KATNIP: variants seen among roughly 807,000 people sequenced by gnomAD.
KATNIP encodes katanin-interacting protein.
KATNIP carries 126 observed loss-of-function variants against 174.0 expected under a neutral mutation model. The observed-to-expected ratio is 0.72, with a 90% CI of 0.63 to 0.84. KATNIP has a LOEUF of 0.84. Ranked by LOEUF, KATNIP falls within the 40% of genes least tolerant of loss-of-function variation. KATNIP has a pLI of 0.00. For synonymous variants in KATNIP, 810 were observed against 835.7 expected, an observed-to-expected ratio of 0.97 and a Z score of 0.53; for missense variants, 1,958 against 2,109.7, an observed-to-expected ratio of 0.93 and a Z score of 1.41.
At chr16:27,556,159 G>A (rs2089619176) in intron 1 of KATNIP, among the ~76,000 whole-genome samples, 1 of 151,930 alleles carries the variant, frequency 6.6e-6, no homozygotes, top group South Asian at 2.1e-4. Context: ...TATAGTAGCT[G>A]TTGTTATCAT....
intron 6 of KATNIP, among the ~76,000 whole-genome samples, chr16:27,670,834 A>AT (rs1286489020): frequency 1.3e-5 from 2 of 152,212 alleles, no homozygotes; most frequent in African/African-American, 2.4e-5. Flanking sequence ...ATACTAAATA[A>AT]TTTTTTTAAA....
intron 16 of KATNIP, among the ~76,000 whole-genome samples, chr16:27,751,474 CA>C (rs2081514269): frequency 6.6e-6 from 1 of 152,128 alleles, no homozygotes; most frequent in Non-Finnish European, 1.5e-5. Context: ...AAAGAAATGT[CA>C]CTTGCCTGAT....
chr16:27,645,983 G>A (rs1338780269), intron 5 of KATNIP, among the ~76,000 whole-genome samples: 1 of 152,188 alleles, frequency 6.6e-6, no homozygotes, highest in African/African-American at 2.4e-5. Flanking sequence ...GGTAGGCAGA[G>A]AGCATTGTCT....
chr16:27,748,912 C>T (rs554002908), intron 15 of KATNIP, among the ~76,000 whole-genome samples: 5 of 152,196 alleles, frequency 3.3e-5, no homozygotes, highest in African/African-American at 4.8e-5. Context: ...ACTGTTAACA[C>T]GGGTGCATGT....
At chr16:27,593,265 G>T (rs2075240194) in intron 2 of KATNIP, among the ~76,000 whole-genome samples, 1 of 125,174 alleles carries the variant, frequency 8.0e-6, no homozygotes, top group Non-Finnish European at 1.6e-5. Flanking sequence ...GTCTGAGACG[G>T]AGTTTTGTTG....
chr16:27,645,170 C>A (rs923189416), intron 5 of KATNIP, among the ~76,000 whole-genome samples: 2 of 152,194 alleles, frequency 1.3e-5, no homozygotes, highest in Admixed American at 1.3e-4. Context: ...GAAACATACA[C>A]CTGAGAGGCA....
At chr16:27,773,856 C>T (rs989481577) in intron 23 of KATNIP, among the ~76,000 whole-genome samples, 1 of 152,112 alleles carries the variant, frequency 6.6e-6, no homozygotes, top group African/African-American at 2.4e-5. Context: ...TCTACCAGGC[C>T]CCGAAACTCA....
chr16:27,574,977 C>G (rs184718639), intron 2 of KATNIP, among the ~76,000 whole-genome samples: 1,555 of 152,142 alleles, frequency 0.01, 42 homozygotes, highest in African/African-American at 0.035. Context: ...ACCTTCCCCC[C>G]TCCCCGCCTC....
intron 6 of KATNIP, among the ~76,000 whole-genome samples, chr16:27,651,882 A>T (rs1037328534): frequency 1.3e-5 from 2 of 151,992 alleles, no homozygotes; most frequent in Non-Finnish European, 2.9e-5. Context: ...AGTACGCCCC[A>T]CTAATTTTTG....
chr16:27,751,118 G>A (rs1392153266), intron 16 of KATNIP, among the ~76,000 whole-genome samples: 1 of 152,016 alleles, frequency 6.6e-6, no homozygotes, highest in Non-Finnish European at 1.5e-5. Flanking sequence ...GTCTTGGTCC[G>A]GCCCCTAGAA....
At chr16:27,626,696 G>A (rs144981227) in intron 3 of KATNIP, among the ~76,000 whole-genome samples, 68 of 152,208 alleles carry the variant, frequency 4.5e-4, no homozygotes, top group African/African-American at 1.6e-3. Context: ...GCTCACGCCT[G>A]TAATCCCAAC....
At chr16:27,590,402 G>T (rs1189526026) in intron 2 of KATNIP, among the ~76,000 whole-genome samples, 1 of 151,072 alleles carries the variant, frequency 6.6e-6, no homozygotes, top group Non-Finnish European at 1.5e-5. Flanking sequence ...TGAACTCCTG[G>T]CCTCAAGCAT....
chr16:27,648,729 T>A lies in KATNIP; in HGVS notation c.534T>A (p.Arg178=). Residue 178 remains arginine, a synonymous_variant, in exon 6 of 28, where the codon CGT becomes CGA. Transcript: ENST00000261588. ...TLQANNTSED[R]PQELRRSLEL... Reference sequence around the variant, plus strand: ...AGGCAAACAACACTTCTGAGGATCGTCCGCAGGTAGGGATGGCCTTGGCCT... The same window carrying A: ...AGGCAAACAACACTTCTGAGGATCGACCGCAGGTAGGGATGGCCTTGGCCT... 1 of 1,613,462 alleles carries A rather than the reference T, an allele frequency of 6.2e-7. No individual in the cohort carries two copies.
intron 5 of KATNIP, among the ~76,000 whole-genome samples, chr16:27,639,562 G>C (rs144103417): frequency 5.3e-5 from 8 of 152,276 alleles, no homozygotes; most frequent in African/African-American, 1.7e-4. Flanking sequence ...TTTACTGTGG[G>C]GTGGGCGTTC....
At chr16:27,649,190 T>A (rs999935924) in intron 6 of KATNIP, among the ~76,000 whole-genome samples, 1 of 152,260 alleles carries the variant, frequency 6.6e-6, no homozygotes, top group Non-Finnish European at 1.5e-5. Flanking sequence ...ATGCACCTGA[T>A]AAATATTTCG....
At chr16:27,565,814 A>C (rs1218057347) in intron 1 of KATNIP, among the ~76,000 whole-genome samples, 1 of 151,926 alleles carries the variant, frequency 6.6e-6, no homozygotes, top group South Asian at 2.1e-4. Flanking sequence ...AAAAAAAAAA[A>C]CAAAGGAAGA....
intron 6 of KATNIP, among the ~76,000 whole-genome samples, chr16:27,662,613 A>G (rs2077562286): frequency 6.6e-6 from 1 of 152,224 alleles, no homozygotes; most frequent in African/African-American, 2.4e-5. Flanking sequence ...TCCAGAAGTA[A>G]GAGATGTAGT....
intron 13 of KATNIP, among the ~76,000 whole-genome samples, chr16:27,721,085 C>T (rs991572233): frequency 6.6e-6 from 1 of 152,188 alleles, no homozygotes; most frequent in African/African-American, 2.4e-5. Context: ...CTGGCCCTGG[C>T]CCAACCAACG....
At chr16:27,581,532 G>C (rs550145301) in intron 2 of KATNIP, among the ~76,000 whole-genome samples, 1 of 152,162 alleles carries the variant, frequency 6.6e-6, no homozygotes, top group Non-Finnish European at 1.5e-5. Flanking sequence ...CTTGTCTTGT[G>C]GGGGTGAGAG....
Sources: gnomAD v4.1 joint callset for allele counts (sites outside exome capture counted in the v4.1 genomes callset) on GRCh38, gnomAD v4.1.1 for gene constraint, MANE v1.5 for transcripts, NCBI Gene and HGNC (gene_info 2026-07-23, HGNC 2026-07-21) for gene names.